EXOSC7: variants seen among roughly 807,000 people sequenced by gnomAD.
EXOSC7 encodes exosome component 7.
EXOSC7 carries 25 observed loss-of-function variants against 34.3 expected under a neutral mutation model. The ratio of observed to expected loss-of-function variants is 0.73; its 90% CI spans 0.53 to 1.02. EXOSC7 has a LOEUF of 1.02. EXOSC7 is among the 50% of genes least tolerant of loss of function. The pLI is 0.00. For synonymous variants in EXOSC7, 130 were observed against 143.0 expected, an observed-to-expected ratio of 0.91 and a Z score of 0.65; for missense variants, 370 against 368.5, an observed-to-expected ratio of 1.00 and a Z score of -0.03.
chr3:45,009,919 G>A (rs1355621415), intron 7 of EXOSC7, among the ~76,000 whole-genome samples: 6 of 152,208 alleles, frequency 3.9e-5, no homozygotes, highest in South Asian at 2.1e-4. Context: ...CTTTTAGATC[G>A]AAATCATCTT....
At chr3:45,002,877 G>T (rs548618114) in intron 5 of EXOSC7, among the ~76,000 whole-genome samples, 1 of 152,150 alleles carries the variant, frequency 6.6e-6, no homozygotes, top group Non-Finnish European at 1.5e-5. Context: ...GGGAGCTTGC[G>T]TGCCAGATCC....
chr3:44,994,856 GGT>G (rs34579096), intron 3 of EXOSC7, among the ~76,000 whole-genome samples: 22,287 of 134,430 alleles, frequency 0.17, 1,744 homozygotes, highest in Non-Finnish European at 0.19. Flanking sequence ...TGGAAGAATG[GGT>G]GTGTGTGTGT....
rs191855514 is a variant in EXOSC7 at position 44,998,422 on chromosome 3, A to G, written c.420+1170A>G. The stretch of plus-strand genomic sequence containing the variant: ...GTAGCAGTTGGTTGCTTGTTTATAT[A>G]TAGGCTCTTGTTGGGTCTGTTTTGA... On this transcript the variant is annotated intron_variant, in intron 4 of 7. Transcript: ENST00000265564. Among the ~76,000 whole-genome samples, 14 of 152,260 alleles carry G rather than the reference A, an allele frequency of 9.2e-5. 1 individual carries two copies. The highest frequency in any genetic ancestry group is 9.2e-4 in the Admixed American group (14 of 15,296).
chr3:44,998,790 A>T (rs1047202355), intron 4 of EXOSC7, among the ~76,000 whole-genome samples: 1 of 152,210 alleles, frequency 6.6e-6, no homozygotes, highest in African/African-American at 2.4e-5. Flanking sequence ...AGTGGGATGT[A>T]CCTTGTAGTA....
chr3:44,979,112 T>C (rs1334929563), intron 1 of EXOSC7, among the ~76,000 whole-genome samples: 1 of 152,214 alleles, frequency 6.6e-6, no homozygotes, highest in African/African-American at 2.4e-5. Flanking sequence ...TAAGGGCTTA[T>C]TAATGTTGGC....
intron 3 of EXOSC7, among the ~76,000 whole-genome samples, chr3:44,994,856 GGTGTGTGTGTGTGTGTGTGTGTGTGTGT>G (rs34579096): frequency 1.5e-4 from 20 of 134,864 alleles, no homozygotes; most frequent in African/African-American, 4.0e-4. Context: ...TGGAAGAATG[GGTGTGTGTGTGTGTGTGTGTGTGTGTGT>G]GTGTGTGTGT....
At chr3:44,982,931 A>G (rs1706310188) in intron 1 of EXOSC7, among the ~76,000 whole-genome samples, 1 of 152,216 alleles carries the variant, frequency 6.6e-6, no homozygotes, top group Non-Finnish European at 1.5e-5. Flanking sequence ...GCAAAGCTGG[A>G]CCAAATGTGG....
At chr3:44,991,016 C>T (rs1215050884) in intron 3 of EXOSC7, among the ~76,000 whole-genome samples, 1 of 152,098 alleles carries the variant, frequency 6.6e-6, no homozygotes, top group Non-Finnish European at 1.5e-5. Flanking sequence ...TCATAGTACT[C>T]GTATAAGAGA....
intron 7 of EXOSC7, among the ~76,000 whole-genome samples, chr3:45,010,602 G>T (rs889472801): frequency 6.6e-6 from 1 of 151,802 alleles, no homozygotes; most frequent in Non-Finnish European, 1.5e-5. Context: ...TTTACCTCTC[G>T]TGTCTGCTCT....
chr3:45,004,650 T>C (rs988857281), intron 5 of EXOSC7: 1 of 151,134 alleles, frequency 6.6e-6, no homozygotes, highest in Admixed American at 6.6e-5. Context: ...GATATTTAAA[T>C]TGAGCACCTT....
At chr3:45,012,400 T>G (rs1289244536), downstream of EXOSC7, 3 of 152,234 alleles carry the variant, frequency 2.0e-5, no homozygotes, top group African/African-American at 7.2e-5. Flanking sequence ...CAAGGCCAGG[T>G]CCATCCCTGT....
At chr3:44,988,944 A>C (rs919737498) in intron 1 of EXOSC7, among the ~76,000 whole-genome samples, 196 bp from the exon 2 acceptor site, 1 of 152,222 alleles carries the variant, frequency 6.6e-6, no homozygotes, top group African/African-American at 2.4e-5. Flanking sequence ...CAAGTCGCTC[A>C]ACTTCTCTGA....
At chr3:44,976,850 G>C (rs1706058802) in intron 1 of EXOSC7, among the ~76,000 whole-genome samples, 1 of 152,194 alleles carries the variant, frequency 6.6e-6, no homozygotes, top group Admixed American at 6.5e-5. Context: ...TTGGGAGGCC[G>C]AGGCGGGCGG....
In EXOSC7 at chr3:45,001,571, A is replaced by T. The variant is rs1418827714; in HGVS notation, c.454A>T (p.Ile152Phe). The stretch of plus-strand genomic sequence containing the variant: ...ATGTGGTGGAAATTTGTTTGATGCC[A>T]TTTCCATTGCTGTAAAGGCTGCTCT... Reference protein sequence around the residue: ...LECGGNLFDAISIAVKAALFN... With the variant: ...LECGGNLFDAFSIAVKAALFN... Residue 152 changes from isoleucine to phenylalanine, a missense_variant, in exon 5 of 8, where the codon ATT becomes TTT. Coordinates refer to ENST00000265564, the MANE Select transcript of EXOSC7 (RefSeq NM_015004.4). The T allele has an allele frequency of 6.2e-7, 1 of 1,613,606 alleles. No homozygotes were observed. The highest frequency in any genetic ancestry group is 8.5e-7 in the Non-Finnish European group (1 of 1,179,758).
rs201199988 is a variant in EXOSC7, at chr3:44,976,348, C to A, written c.57+14C>A. On this transcript the variant is annotated intron_variant, in intron 1 of 7. Transcript: ENST00000265564. ...CATGGCGTCCAGGTAGCTACAGCAG[C>A]GGCGTTGGGTCGGCCGCCGGGTTCA... 2.6e-6 allele frequency: 4 copies of A among 1,566,752 alleles called. No individual in the cohort carries two copies. In the East Asian group the frequency reaches 7.7e-5, roughly 30 times the overall value.
At chr3:44,992,320 A>T (rs1706596681) in intron 3 of EXOSC7, among the ~76,000 whole-genome samples, 1 of 152,172 alleles carries the variant, frequency 6.6e-6, no homozygotes, top group African/African-American at 2.4e-5. Context: ...CTCTGAGTCT[A>T]GTTTGATTTA....
chr3:45,007,228 C>G (rs192176018), intron 6 of EXOSC7, among the ~76,000 whole-genome samples, 192 bp from the exon 7 acceptor site: 91 of 152,294 alleles, frequency 6.0e-4, no homozygotes, highest in Middle Eastern at 3.4e-3. Context: ...ATTGTACCAC[C>G]CACACAGTGG....
At chr3:44,981,231 C>T (rs1237946310) in intron 1 of EXOSC7, among the ~76,000 whole-genome samples, 1 of 152,218 alleles carries the variant, frequency 6.6e-6, no homozygotes, top group African/African-American at 2.4e-5. Flanking sequence ...AATCTCTGCT[C>T]TCTCCTGCTG....
At chr3:44,976,356 G>A in intron 1 of EXOSC7, 22 bp downstream of exon 1, 1 of 1,563,272 alleles carries the variant, frequency 6.4e-7, no homozygotes, top group East Asian at 2.6e-5. Flanking sequence ...AGCGGCGTTG[G>A]GTCGGCCGCC....
Sources: gnomAD v4.1 joint callset for allele counts (sites outside exome capture counted in the v4.1 genomes callset) on GRCh38, gnomAD v4.1.1 for gene constraint, MANE v1.5 for transcripts, NCBI Gene and HGNC (gene_info 2026-07-23, HGNC 2026-07-21) for gene names.